The following SNX8 variants were observed in gnomAD, a reference collection of about 807,000 sequenced individuals.
SNX8 encodes the protein sorting nexin-8.
In SNX8, 25 loss-of-function variants were observed where a neutral mutation model predicts 51.6. The observed-to-expected ratio is 0.48, with a 90% CI of 0.35 to 0.68. The LOEUF (loss-of-function observed/expected upper bound fraction) is 0.68, where lower values mean the gene tolerates loss of function less well. Among genes scored for constraint, SNX8 ranks in the 30% least tolerant of loss-of-function variants. The pLI, the probability that SNX8 is intolerant of heterozygous loss-of-function variation, is 0.00. For missense variants in SNX8, 695 were observed against 624.0 expected (o/e 1.11, Z -1.21); for synonymous variants, 324 against 277.0 (o/e 1.17, Z -1.68).
chr7:2,304,099 G>A (rs1180585224), intron 1 of SNX8, among the ~76,000 whole-genome samples: 1 of 149,912 alleles, frequency 6.7e-6, no homozygotes, highest in Non-Finnish European at 1.5e-5. Context: ...TCCAGGAGGC[G>A]GAGCTTGCAG....
At chr7:2,307,668 G>GACAATGCT in intron 1 of SNX8, 1 of 142,548 alleles carries the variant, frequency 7.0e-6, no homozygotes. Context: ...AGGTGACAGT[G>GACAATGCT]ACAATGCTGG....
intron 1 of SNX8, among the ~76,000 whole-genome samples, chr7:2,342,491 TA>T (rs35600909): frequency 6.6e-6 from 1 of 151,808 alleles, no homozygotes; most frequent in African/African-American, 2.4e-5. Flanking sequence ...CCGTCTGTAC[TA>T]AAAAATACAA....
chr7:2,258,031 T>A (rs4721514), intron 7 of SNX8, among the ~76,000 whole-genome samples: 2,048 of 136,980 alleles, frequency 0.015, 57 homozygotes, highest in African/African-American at 0.057. Context: ...TTTTTTTGAG[T>A]CGGAGTCTTC....
At chr7:2,293,896 G>C (rs1796212731) in intron 1 of SNX8, among the ~76,000 whole-genome samples, 1 of 151,774 alleles carries the variant, frequency 6.6e-6, no homozygotes, top group South Asian at 2.1e-4. Flanking sequence ...TACCCGGGAG[G>C]GGGAGGTTGC....
chr7:2,265,247 G>A (rs1795437267), intron 5 of SNX8, among the ~76,000 whole-genome samples: 1 of 152,170 alleles, frequency 6.6e-6, no homozygotes. Context: ...GGCTGAGGCA[G>A]GAGAATGGCA....
chr7:2,350,333 G>A (rs184281198), intron 1 of SNX8, among the ~76,000 whole-genome samples: 2 of 152,266 alleles, frequency 1.3e-5, no homozygotes, highest in East Asian at 3.9e-4. Context: ...TCCCCAGCCA[G>A]GTCAGGCTTC....
chr7:2,352,009 G>A (rs1014157865), intron 1 of SNX8, among the ~76,000 whole-genome samples: 1 of 143,142 alleles, frequency 7.0e-6, no homozygotes, highest in African/African-American at 2.6e-5. Context: ...CAGGGTACAA[G>A]TGATTCTCCC....
chr7:2,342,289 G>A (rs915588216), intron 1 of SNX8, among the ~76,000 whole-genome samples: 6 of 152,018 alleles, frequency 3.9e-5, no homozygotes, highest in East Asian at 1.9e-4. Context: ...TGTTCAACAC[G>A]CAAGATGGAT....
In SNX8 at chr7:2,278,182, GC is replaced by G. The variant is rs1795826639; in HGVS notation, c.217del (p.Ala73ProfsTer18). ...LLSHTLQELLARDTVQVELIP... is the reference protein window; with the variant it reads ...LLSHTLQELLXRDTVQVELIP... Reference sequence around the variant, plus strand: ...GAGCTCCACCTGCACGGTGTCCCTGGCCAGCAGCTCCTGCAGGGTGTGGGAC... The same window carrying G: ...GAGCTCCACCTGCACGGTGTCCCTGGCAGCAGCTCCTGCAGGGTGTGGGAC... On this transcript the variant is annotated frameshift_variant, in exon 2 of 11. Coordinates refer to ENST00000222990, the MANE Select transcript of SNX8 (RefSeq NM_013321.4). LOFTEE classifies it high-confidence loss of function. The G allele has an allele frequency of 6.2e-7, 1 of 1,613,890 alleles. No homozygotes were observed. The highest frequency in any genetic ancestry group is 1.3e-5 in the African/African-American group (1 of 74,946).
chr7:2,319,214 C>T (rs1454563921), upstream of SNX8, among the ~76,000 whole-genome samples: 4 of 151,922 alleles, frequency 2.6e-5, no homozygotes, highest in Non-Finnish European at 4.4e-5. Context: ...TGGCACATGC[C>T]TGTAATCCCA....
chr7:2,300,629 TG>T (rs555050694), intron 1 of SNX8, among the ~76,000 whole-genome samples: 26 of 151,878 alleles, frequency 1.7e-4, no homozygotes, highest in Non-Finnish European at 3.4e-4. Flanking sequence ...ATGCCCAGGC[TG>T]GTCTTTTTTT....
chr7:2,290,669 C>G (rs538645793), intron 1 of SNX8, among the ~76,000 whole-genome samples: 2 of 152,290 alleles, frequency 1.3e-5, no homozygotes, highest in East Asian at 1.9e-4. Context: ...AGCCGCATGC[C>G]CTCCCAGCAC....
At chr7:2,342,732 T>C (rs1778956210) in intron 1 of SNX8, among the ~76,000 whole-genome samples, 1 of 152,036 alleles carries the variant, frequency 6.6e-6, no homozygotes, top group African/African-American at 2.4e-5. Context: ...ACAGAGTAAC[T>C]TTTATAGCCC....
chr7:2,266,612 T>C (rs1347968133), intron 5 of SNX8, among the ~76,000 whole-genome samples: 2 of 152,234 alleles, frequency 1.3e-5, no homozygotes, highest in African/African-American at 4.8e-5. Context: ...CCCAAAGTGC[T>C]AGGATTACAG....
chr7:2,298,148 G>A (rs1276789461), intron 1 of SNX8, among the ~76,000 whole-genome samples: 3 of 151,840 alleles, frequency 2.0e-5, no homozygotes, highest in Non-Finnish European at 2.9e-5. Flanking sequence ...TCGCTCTGTC[G>A]TGCAGGCTGG....
At chr7:2,308,779 A>AT (rs1562451543) in intron 1 of SNX8, among the ~76,000 whole-genome samples, 4 of 150,118 alleles carry the variant, frequency 2.7e-5, no homozygotes, top group African/African-American at 1.0e-4. Context: ...AAAATGAACA[A>AT]ATTTTTTTTT....
At position 2,328,254 on chromosome 7, in the gene SNX8, C is replaced by A. The variant is rs117988274; in HGVS notation, c.-66+25968G>T. Among the ~76,000 whole-genome samples, 1,022 of 152,018 alleles carry A rather than the reference C, an allele frequency of 6.7e-3. 9 individuals carry two copies. Among genetic ancestry groups the A allele is most frequent in the Non-Finnish European group, 0.011 (763 of 67,932 alleles). On this transcript the variant is annotated intron_variant, in intron 1 of 5. Transcript: ENST00000435336. ...TTTAGTAGAGACAGGGGTTTCTCCA[C>A]GCTGGCCAGGCAGGCTAGTCTCAAA...
Position 2,257,518 on chromosome 7 carries a change from C to T in SNX8, c.985-4G>A. ...TCTCATGCCGCTCGCACAGGTCCTG[C>T]GGGGCCGGGGGAGGCATTCGCCCGC... On this transcript the variant is annotated splice_polypyrimidine_tract_variant and splice_region_variant and intron_variant, in intron 8 of 10. Coordinates refer to ENST00000222990, the MANE Select transcript of SNX8 (RefSeq NM_013321.4). The T allele has an allele frequency of 1.2e-6, 2 of 1,600,432 alleles. No homozygotes were observed. The highest frequency in any genetic ancestry group is 1.7e-6 in the Non-Finnish European group (2 of 1,177,232).
chr7:2,344,476 G>A (rs1044789002), intron 1 of SNX8, among the ~76,000 whole-genome samples: 2 of 151,850 alleles, frequency 1.3e-5, no homozygotes, highest in African/African-American at 4.8e-5. Context: ...GCCGGGCGTG[G>A]TGGTGGGTGC....
Sources: gnomAD v4.1 joint callset for allele counts (sites outside exome capture counted in the v4.1 genomes callset) on GRCh38, gnomAD v4.1.1 for gene constraint, MANE v1.5 for transcripts, NCBI Gene and HGNC (gene_info 2026-07-23, HGNC 2026-07-21) for gene names.